Variants in CAMKMT observed in about 807,000 individuals in gnomAD.
The protein encoded by CAMKMT is CaM KMT.
A neutral mutation model predicts 48.0 loss-of-function variants in CAMKMT; 53 were observed. The ratio of observed to expected loss-of-function variants is 1.10; its 90% confidence interval spans 0.89 to 1.39. The LOEUF is 1.39. CAMKMT is among the 40% of genes most tolerant of loss of function. The pLI, the probability that CAMKMT is intolerant of heterozygous loss-of-function variation, is 0.00. For missense variants in CAMKMT, 428 were observed against 402.7 expected (o/e 1.06, Z -0.54); for synonymous variants, 165 against 152.3 (o/e 1.08, Z -0.61).
At chr2:44,388,416 G>T (rs981370036) in intron 2 of CAMKMT, among the ~76,000 whole-genome samples, 2 of 151,882 alleles carry the variant, frequency 1.3e-5, no homozygotes, top group Non-Finnish European at 2.9e-5. Context: ...TTCTTATATT[G>T]TTCTTTTGGA....
chr2:44,768,361 A>ATATATATATATTTTTTTT (rs35058824), intron 10 of CAMKMT, among the ~76,000 whole-genome samples: 1 of 115,744 alleles, frequency 8.6e-6, no homozygotes, highest in Non-Finnish European at 1.7e-5. Context: ...ATATATATAT[A>ATATATATATATTTTTTTT]TTTTTTTTTT....
At chr2:44,599,156 C>G (rs572879318) in intron 3 of CAMKMT, among the ~76,000 whole-genome samples, 2 of 152,180 alleles carry the variant, frequency 1.3e-5, no homozygotes, top group Non-Finnish European at 2.9e-5. Flanking sequence ...AACATTTAAA[C>G]CTAATGTGAA....
intron 7 of CAMKMT, among the ~76,000 whole-genome samples, chr2:44,733,952 T>G (rs1259453399): frequency 1.3e-5 from 2 of 152,164 alleles, no homozygotes; most frequent in Admixed American, 1.3e-4. Context: ...TTATATCTTC[T>G]CCCTTTTTTC....
At chr2:44,454,103 T>G (rs1241424364) in intron 3 of CAMKMT, among the ~76,000 whole-genome samples, 2 of 152,112 alleles carry the variant, frequency 1.3e-5, no homozygotes, top group East Asian at 3.8e-4. Flanking sequence ...AAAAATAAGT[T>G]GGAGAAGCTT....
At chr2:44,556,079 C>A (rs1667989522) in intron 3 of CAMKMT, among the ~76,000 whole-genome samples, 1 of 152,068 alleles carries the variant, frequency 6.6e-6, no homozygotes, top group Admixed American at 6.6e-5. Flanking sequence ...TAGGTAGCAT[C>A]TTCATTGCAA....
rs540312684 is a variant in CAMKMT at position 44,656,955 on chromosome 2, G to A, written c.377-47328G>A. Among the ~76,000 whole-genome samples the A allele has an allele frequency of 2.2e-3, 328 of 152,256 alleles. 2 individuals carry two copies. The highest frequency in any genetic ancestry group is 4.0e-3 in the Non-Finnish European group (270 of 68,014). ...CTCCTTATACACCAGGGCCACAAGT[G>A]CTCTCAAGAAGCACCTACTATCAGA... On this transcript the variant is annotated intron_variant, in intron 3 of 10. Transcript: ENST00000378494.
intron 10 of CAMKMT, among the ~76,000 whole-genome samples, chr2:44,767,868 C>T (rs138935939): frequency 0.017 from 2,570 of 152,290 alleles, 32 homozygotes; most frequent in South Asian, 0.031. Context: ...CAGCTGACAG[C>T]TGCTTCAATG....
At chr2:44,727,935 T>C (rs1299709293) in intron 7 of CAMKMT, among the ~76,000 whole-genome samples, 1 of 152,122 alleles carries the variant, frequency 6.6e-6, no homozygotes, top group South Asian at 2.1e-4. Flanking sequence ...TGCTTGTTTG[T>C]TTTTAGAGAC....
intron 3 of CAMKMT, among the ~76,000 whole-genome samples, chr2:44,538,175 C>G (rs1037750086): frequency 7.9e-5 from 12 of 152,010 alleles, no homozygotes; most frequent in African/African-American, 2.9e-4. Context: ...CAAGACCACC[C>G]TGGCCAAGAT....
chr2:44,501,841 A>G (rs1344540960), intron 3 of CAMKMT, among the ~76,000 whole-genome samples: 1 of 152,114 alleles, frequency 6.6e-6, no homozygotes, highest in Non-Finnish European at 1.5e-5. Context: ...CTATAATTAC[A>G]TCACTGCATT....
intron 3 of CAMKMT, among the ~76,000 whole-genome samples, chr2:44,676,402 G>A (rs1029830497): frequency 3.3e-5 from 5 of 152,060 alleles, no homozygotes; most frequent in African/African-American, 7.2e-5. Context: ...ACCCAAATGC[G>A]TTATCATCTG....
intron 3 of CAMKMT, among the ~76,000 whole-genome samples, chr2:44,695,852 G>A (rs527965355): frequency 2.6e-5 from 4 of 150,982 alleles, no homozygotes; most frequent in Middle Eastern, 3.4e-3. Flanking sequence ...CTGGTTCTCC[G>A]TATCCATGGA....
intron 3 of CAMKMT, among the ~76,000 whole-genome samples, chr2:44,611,535 A>G (rs905136243): frequency 2.6e-5 from 4 of 152,158 alleles, no homozygotes; most frequent in African/African-American, 9.7e-5. Context: ...TTACAAAGTA[A>G]GTCACATTAT....
At chr2:44,647,369 C>G (rs1237856285) in intron 3 of CAMKMT, among the ~76,000 whole-genome samples, 1 of 152,180 alleles carries the variant, frequency 6.6e-6, no homozygotes. Flanking sequence ...AGCAAAACTA[C>G]ATTCTTTGCT....
At chr2:44,647,981 T>G (rs1331390197) in intron 3 of CAMKMT, among the ~76,000 whole-genome samples, 2 of 150,254 alleles carry the variant, frequency 1.3e-5, no homozygotes, top group Non-Finnish European at 3.0e-5. Flanking sequence ...CACTACACCA[T>G]TATCTGTATT....
chr2:44,432,045 T>C (rs1057406154), intron 3 of CAMKMT, among the ~76,000 whole-genome samples: 6 of 152,210 alleles, frequency 3.9e-5, no homozygotes, highest in Admixed American at 6.5e-5. Flanking sequence ...ACAGGCTTTC[T>C]TGACAGCAAG....
rs576018423 is a variant in CAMKMT, at chr2:44,542,856, T to C, written c.376+152551T>C. Among the ~76,000 whole-genome samples the C allele has an allele frequency of 2.8e-4, 43 of 152,206 alleles. 1 individual carries two copies. The highest frequency in any genetic ancestry group is 2.3e-3 in the South Asian group (11 of 4,808). ...CATCTGGTGAGCTGTGTGTGGGAGA[T>C]AAAACTGGAAACCTAGACTAATTTA... On this transcript the variant is annotated intron_variant, in intron 3 of 10. Coordinates refer to ENST00000378494, the MANE Select transcript of CAMKMT (RefSeq NM_024766.5).
At position 44,766,626 on chromosome 2, in the gene CAMKMT, T is replaced by C. The variant is rs920228457; in HGVS notation, c.894+65T>C. 7.7e-6 allele frequency: 12 copies of C among 1,566,138 alleles called. No homozygotes were observed. In the African/African-American group the frequency reaches 1.6e-4, roughly 21 times the overall value. On this transcript the variant is annotated intron_variant, in intron 10 of 10. Coordinates refer to ENST00000378494, the MANE Select transcript of CAMKMT (RefSeq NM_024766.5). ...ATTGCATTTTGAAGAGATCATGGTCTTTTTGGCAGGTAACCTAAATATTTG... is the reference window on the plus strand; with the variant it reads ...ATTGCATTTTGAAGAGATCATGGTCCTTTTGGCAGGTAACCTAAATATTTG...
chr2:44,704,153 A>G (rs538443892), intron 3 of CAMKMT, 130 bp from the exon 4 acceptor site: 1 of 496,992 alleles, frequency 2.0e-6, no homozygotes, highest in African/African-American at 1.9e-5. Context: ...CCGTGACATG[A>G]CATATTATAA....
Sources: allele counts gnomAD v4.1 joint callset (sites outside exome capture counted in the v4.1 genomes callset), GRCh38; gene constraint gnomAD v4.1.1; transcripts MANE v1.5; gene names NCBI Gene and HGNC (gene_info 2026-07-23, HGNC 2026-07-21).